The following TIAM1 variants were observed in gnomAD, a reference collection of about 807,000 sequenced individuals.
TIAM1 encodes the protein TIAM Rac1 associated GEF 1.
In TIAM1, 65 loss-of-function variants were observed where a neutral mutation model predicts 163.5. That is an observed-to-expected ratio of 0.40 (90% CI 0.33 to 0.49). The LOEUF is 0.49. TIAM1 is among the 20% of genes least tolerant of loss of function. The pLI is 0.77. For missense variants in TIAM1, 1,789 were observed against 2,044.7 expected, an observed-to-expected ratio of 0.87 and a Z score of 2.41; for synonymous variants, 833 against 810.1, an observed-to-expected ratio of 1.03 and a Z score of -0.48.
intron 1 of TIAM1, among the ~76,000 whole-genome samples, chr21:31,516,107 C>CAAAAAAA (rs1345174912): frequency 1.6e-5 from 1 of 64,352 alleles, no homozygotes; most frequent in Non-Finnish European, 3.4e-5. Context: ...GACTCCATCT[C>CAAAAAAA]AAAAAAAAAA....
At chr21:31,468,683 G>A (rs1053143824) in intron 1 of TIAM1, among the ~76,000 whole-genome samples, 2 of 152,166 alleles carry the variant, frequency 1.3e-5, no homozygotes, top group African/African-American at 2.4e-5. Flanking sequence ...GGCTGAGGCA[G>A]GAGAATGGCG....
chr21:31,505,995 G>A (rs927636718), intron 1 of TIAM1, among the ~76,000 whole-genome samples: 24 of 138,158 alleles, frequency 1.7e-4, no homozygotes, highest in African/African-American at 4.7e-4. Context: ...TGGGCGACAC[G>A]GTGAGACTCT....
chr21:31,392,500 G>C (rs1197925119), intron 2 of TIAM1, among the ~76,000 whole-genome samples: 1 of 149,246 alleles, frequency 6.7e-6, no homozygotes, highest in African/African-American at 2.5e-5. Context: ...AACCCGGGAG[G>C]CAAAGGTTGT....
chr21:31,549,513 T>G (rs2048611351), intron 1 of TIAM1, among the ~76,000 whole-genome samples: 1 of 152,208 alleles, frequency 6.6e-6, no homozygotes, highest in Non-Finnish European at 1.5e-5. Context: ...TGAAGATACA[T>G]TTCTTCAAAG....
intron 23 of TIAM1, 64 bp from the exon 24 acceptor site, chr21:31,131,012 C>T: frequency 7.0e-7 from 1 of 1,420,458 alleles, no homozygotes; most frequent in Non-Finnish European, 9.9e-7. Flanking sequence ...CTTGACATCA[C>T]CAACTTGTGG....
chr21:31,122,004 C>T (rs2082019858), intron 27 of TIAM1, among the ~76,000 whole-genome samples: 1 of 152,212 alleles, frequency 6.6e-6, no homozygotes, highest in South Asian at 2.1e-4. Context: ...CATCCAATTG[C>T]TTCAGTGCTG....
chr21:31,428,267 G>A (rs113945176), intron 2 of TIAM1, among the ~76,000 whole-genome samples: 5,937 of 152,046 alleles, frequency 0.039, 375 homozygotes, highest in African/African-American at 0.13. Context: ...ACAAAAAAAA[G>A]AAAGAAAGAA....
intron 1 of TIAM1, among the ~76,000 whole-genome samples, chr21:31,476,897 T>C (rs544217150): frequency 6.6e-6 from 1 of 152,322 alleles, no homozygotes; most frequent in East Asian, 1.9e-4. Context: ...GCAACCCTTC[T>C]GGGCTGGAAC....
At chr21:31,375,262 C>T (rs961842221) in intron 2 of TIAM1, among the ~76,000 whole-genome samples, 2 of 152,128 alleles carry the variant, frequency 1.3e-5, no homozygotes, top group Non-Finnish European at 2.9e-5. Flanking sequence ...CAATTACCAC[C>T]AACATTCTAA....
At chr21:31,386,198 T>G (rs1198156139) in intron 2 of TIAM1, among the ~76,000 whole-genome samples, 1 of 152,066 alleles carries the variant, frequency 6.6e-6, no homozygotes, top group Non-Finnish European at 1.5e-5. Context: ...GAAATGGGGC[T>G]GTTTCCCTGG....
At chr21:31,220,910 G>A (rs2087520580) in intron 8 of TIAM1, among the ~76,000 whole-genome samples, 1 of 152,082 alleles carries the variant, frequency 6.6e-6, no homozygotes, top group Admixed American at 6.6e-5. Context: ...AGTACAGCGA[G>A]GACCCTTCAG....
intron 2 of TIAM1, among the ~76,000 whole-genome samples, chr21:31,280,043 C>T (rs1187537828): frequency 4.6e-5 from 7 of 152,146 alleles, no homozygotes; most frequent in Admixed American, 4.6e-4. Flanking sequence ...CACACACACA[C>T]ACACAGCCAT....
intron 2 of TIAM1, among the ~76,000 whole-genome samples, chr21:31,304,940 G>A (rs933182432): frequency 6.6e-6 from 1 of 152,066 alleles, no homozygotes; most frequent in Non-Finnish European, 1.5e-5. Context: ...AGATCCACCC[G>A]CCTCGGCCTC....
intron 1 of TIAM1, among the ~76,000 whole-genome samples, chr21:31,501,882 C>T (rs992651439): frequency 0.017 from 2 of 116 alleles, no homozygotes; most frequent in African/African-American, 0.031. Flanking sequence ...GGATTACAGG[C>T]GTGAGCACTG....
intron 6 of TIAM1, among the ~76,000 whole-genome samples, chr21:31,244,079 T>G (rs1203029612): frequency 6.6e-6 from 1 of 152,224 alleles, no homozygotes; most frequent in African/African-American, 2.4e-5. Context: ...GATAGCTCAC[T>G]GAGCAGTACA....
chr21:31,503,695 T>G (rs1046748827), intron 1 of TIAM1, among the ~76,000 whole-genome samples: 2 of 148,492 alleles, frequency 1.3e-5, no homozygotes. Flanking sequence ...TCCAGCACTG[T>G]GCATCCTGCA....
At chr21:31,361,650 G>A (rs1366665685) in intron 2 of TIAM1, among the ~76,000 whole-genome samples, 2 of 152,090 alleles carry the variant, frequency 1.3e-5, no homozygotes, top group African/African-American at 4.8e-5. Context: ...TTAGATTTTG[G>A]CTATAGATAT....
intron 15 of TIAM1, among the ~76,000 whole-genome samples, chr21:31,165,559 C>G (rs541900707): frequency 6.6e-6 from 1 of 152,162 alleles, no homozygotes; most frequent in South Asian, 2.1e-4. Context: ...TTGGTTAGTA[C>G]CCAGATGATG....
intron 2 of TIAM1, among the ~76,000 whole-genome samples, chr21:31,364,919 T>C (rs78250470): frequency 2.2e-4 from 33 of 152,348 alleles, no homozygotes; most frequent in African/African-American, 7.5e-4. Flanking sequence ...ATACTCTCTA[T>C]TGAGCTCTGC....
Sources: allele counts gnomAD v4.1 joint callset (sites outside exome capture counted in the v4.1 genomes callset), GRCh38; gene constraint gnomAD v4.1.1; transcripts MANE v1.5; gene names NCBI Gene and HGNC (gene_info 2026-07-23, HGNC 2026-07-21).